Variants in SYN3 observed in about 807,000 individuals in gnomAD.
SYN3 encodes the protein synapsin III, also known as synapsin-3.
Under a neutral mutation model 65.8 loss-of-function variants are expected in SYN3, and 35 were observed. The ratio of observed to expected loss-of-function variants is 0.53; its 90% confidence interval spans 0.41 to 0.70. The LOEUF (loss-of-function observed/expected upper bound fraction) is 0.70, where lower values mean the gene tolerates loss of function less well. Ranked by LOEUF, SYN3 falls within the 30% of genes least tolerant of loss-of-function variation. The pLI is 0.00. For synonymous variants in SYN3, 270 were observed against 292.9 expected, an observed-to-expected ratio of 0.92 and a Z score of 0.80; for missense variants, 680 against 749.0, an observed-to-expected ratio of 0.91 and a Z score of 1.08.
At chr22:32,627,595 T>C (rs1459146371) in intron 6 of SYN3, among the ~76,000 whole-genome samples, 1 of 152,072 alleles carries the variant, frequency 6.6e-6, no homozygotes, top group Non-Finnish European at 1.5e-5. Context: ...TCCACACACA[T>C]GGATGGGCAA....
At chr22:32,757,213 A>G (rs544273240) in intron 6 of SYN3, among the ~76,000 whole-genome samples, 1 of 152,030 alleles carries the variant, frequency 6.6e-6, no homozygotes, top group African/African-American at 2.4e-5. Flanking sequence ...AGAGGGAGGA[A>G]CACTGCCACC....
intron 6 of SYN3, among the ~76,000 whole-genome samples, chr22:32,660,446 C>T (rs2146999276): frequency 6.6e-6 from 1 of 152,300 alleles, no homozygotes; most frequent in South Asian, 2.1e-4. Context: ...AGCATATTCC[C>T]TAACAGCTGG....
intron 6 of SYN3, among the ~76,000 whole-genome samples, chr22:32,657,821 G>A (rs2060163791): frequency 6.6e-6 from 1 of 152,174 alleles, no homozygotes; most frequent in Non-Finnish European, 1.5e-5. Context: ...GCCCCCCAGT[G>A]GAGAATGGCC....
chr22:32,782,386 G>C (rs1454227319), intron 6 of SYN3, among the ~76,000 whole-genome samples: 1 of 151,778 alleles, frequency 6.6e-6, no homozygotes, highest in Non-Finnish European at 1.5e-5. Flanking sequence ...ATTTTTAGTA[G>C]ACATGGGGCT....
chr22:33,039,027 C>G (rs1458460800), intron 1 of SYN3, among the ~76,000 whole-genome samples: 1 of 152,150 alleles, frequency 6.6e-6, no homozygotes, highest in Non-Finnish European at 1.5e-5. Flanking sequence ...CTCCCAGGGC[C>G]CCTTCTCCAT....
chr22:32,592,226 T>A (rs750704706), intron 7 of SYN3, among the ~76,000 whole-genome samples: 2 of 152,160 alleles, frequency 1.3e-5, no homozygotes, highest in Non-Finnish European at 2.9e-5. Context: ...TCTAGCAGCA[T>A]CCCTGGCTTC....
At chr22:32,771,150 C>G (rs1214289094) in intron 6 of SYN3, among the ~76,000 whole-genome samples, 1 of 152,140 alleles carries the variant, frequency 6.6e-6, no homozygotes, top group African/African-American at 2.4e-5. Context: ...TGGGTGACAA[C>G]ATGTAGTGTT....
At chr22:32,980,786 G>A in intron 2 of SYN3, 84 bp from the exon 3 acceptor site, 1 of 1,230,268 alleles carries the variant, frequency 8.1e-7, no homozygotes. Context: ...TACCCCAGAG[G>A]TGCATATTGA....
intron 6 of SYN3, among the ~76,000 whole-genome samples, chr22:32,752,607 GT>G (rs1308078980): frequency 6.6e-6 from 1 of 152,230 alleles, no homozygotes; most frequent in African/African-American, 2.4e-5. Flanking sequence ...GGGCTCTGCT[GT>G]CCCTGTCCAG....
At chr22:32,908,387 T>C (rs2049961194) in intron 4 of SYN3, among the ~76,000 whole-genome samples, 1 of 9,732 alleles carries the variant, frequency 1.0e-4, no homozygotes, top group Non-Finnish European at 1.5e-4. Context: ...CGCCTAGCCT[T>C]TTTTTTTTTT....
intron 6 of SYN3, among the ~76,000 whole-genome samples, chr22:32,824,818 A>G (rs1601461028): frequency 6.6e-6 from 1 of 152,032 alleles, no homozygotes; most frequent in East Asian, 1.9e-4. Context: ...GTTTGCATTC[A>G]CTCTCTGACC....
chr22:32,586,693 G>A (rs535592252), intron 7 of SYN3, among the ~76,000 whole-genome samples: 140 of 152,194 alleles, frequency 9.2e-4, no homozygotes, highest in Non-Finnish European at 1.7e-3. Flanking sequence ...GAGCAGGTCC[G>A]TGAATGGCCA....
intron 7 of SYN3, among the ~76,000 whole-genome samples, chr22:32,592,832 T>C (rs2059146867): frequency 6.6e-6 from 1 of 152,176 alleles, no homozygotes; most frequent in South Asian, 2.1e-4. Context: ...TCCAATTCCT[T>C]GAGGACAGGG....
chr22:33,019,681 T>C (rs11914274), intron 1 of SYN3, among the ~76,000 whole-genome samples: 30 of 152,196 alleles, frequency 2.0e-4, no homozygotes, highest in African/African-American at 6.5e-4. Context: ...TTTTTGAGAC[T>C]GGGTCTAGGC....
intron 5 of SYN3, among the ~76,000 whole-genome samples, chr22:32,865,939 G>A (rs1026950768): frequency 2.6e-5 from 4 of 152,254 alleles, no homozygotes; most frequent in African/African-American, 7.2e-5. Flanking sequence ...AGGGCCCTCC[G>A]GGTGTGCATT....
chr22:32,732,190 T>C (rs1049549484), intron 6 of SYN3, among the ~76,000 whole-genome samples: 1 of 152,168 alleles, frequency 6.6e-6, no homozygotes, highest in Non-Finnish European at 1.5e-5. Flanking sequence ...ATTCTCTCAT[T>C]TGACAGTAAG....
intron 12 of SYN3, among the ~76,000 whole-genome samples, chr22:32,527,117 G>A (rs893363782): frequency 6.6e-6 from 1 of 152,174 alleles, no homozygotes; most frequent in African/African-American, 2.4e-5. Flanking sequence ...GAATATATTT[G>A]AGGAGGAATT....
intron 10 of SYN3, among the ~76,000 whole-genome samples, chr22:32,531,752 G>A (rs1601577615): frequency 6.7e-6 from 1 of 149,390 alleles, no homozygotes; most frequent in Non-Finnish European, 1.5e-5. Context: ...CATCTCCCCT[G>A]ACCCCACTCC....
intron 6 of SYN3, among the ~76,000 whole-genome samples, chr22:32,805,344 G>A (rs896923956): frequency 3.3e-5 from 5 of 152,296 alleles, no homozygotes; most frequent in South Asian, 4.1e-4. Context: ...TGAGGTTGTC[G>A]TTTTAGCAAA....
Sources: gnomAD v4.1 joint callset for allele counts (sites outside exome capture counted in the v4.1 genomes callset) on GRCh38, gnomAD v4.1.1 for gene constraint, MANE v1.5 for transcripts, NCBI Gene and HGNC (gene_info 2026-07-23, HGNC 2026-07-21) for gene names.